The following PKNOX2 variants were observed in gnomAD, a reference collection of about 807,000 sequenced individuals.
PKNOX2 encodes homeobox protein PKNOX2.
In PKNOX2, 14 loss-of-function variants were observed where a neutral mutation model predicts 53.1. That is an observed-to-expected ratio of 0.26 (90% CI 0.17 to 0.41). PKNOX2 has a LOEUF of 0.41. Among genes scored for constraint, PKNOX2 ranks in the 10% least tolerant of loss-of-function variants. The pLI is 1.00. For missense variants in PKNOX2, 496 were observed against 602.8 expected, an observed-to-expected ratio of 0.82 and a Z score of 1.85; for synonymous variants, 257 against 242.8, an observed-to-expected ratio of 1.06 and a Z score of -0.54.
chr11:125,253,477 T>C (rs943311359), intron 2 of PKNOX2, among the ~76,000 whole-genome samples: 7 of 152,136 alleles, frequency 4.6e-5, no homozygotes, highest in African/African-American at 1.7e-4. Flanking sequence ...CTTGCTGTTC[T>C]GCTGCTCCTC....
At chr11:125,181,867 G>A (rs1956173482) in intron 1 of PKNOX2, among the ~76,000 whole-genome samples, 1 of 152,142 alleles carries the variant, frequency 6.6e-6, no homozygotes, top group Non-Finnish European at 1.5e-5. Context: ...TGTTTTTAAG[G>A]AATCTGGCCC....
At chr11:125,345,168 G>A (rs756029133) in intron 3 of PKNOX2, among the ~76,000 whole-genome samples, 17 of 152,298 alleles carry the variant, frequency 1.1e-4, no homozygotes, top group Non-Finnish European at 2.1e-4. Context: ...GAAGAGGCAG[G>A]CGAGGGTGTT....
chr11:125,258,106 C>T (rs76143537), intron 2 of PKNOX2, among the ~76,000 whole-genome samples: 2,268 of 152,252 alleles, frequency 0.015, 56 homozygotes, highest in African/African-American at 0.05. Flanking sequence ...CCTGGCAGAA[C>T]CAGTGCAGCT....
At chr11:125,214,337 C>T (rs1217316464) in intron 1 of PKNOX2, among the ~76,000 whole-genome samples, 4 of 152,004 alleles carry the variant, frequency 2.6e-5, no homozygotes, top group Non-Finnish European at 5.9e-5. Flanking sequence ...CTGATTCGCT[C>T]TTGCTCTCCC....
At chr11:125,420,031 C>A (rs1310141771) in intron 10 of PKNOX2, among the ~76,000 whole-genome samples, 1 of 150,642 alleles carries the variant, frequency 6.6e-6, no homozygotes, top group Non-Finnish European at 1.5e-5. Context: ...ACTAAAAATA[C>A]AAAAAAATAG....
intron 2 of PKNOX2, among the ~76,000 whole-genome samples, chr11:125,309,513 A>G (rs1002527390): frequency 1.3e-5 from 2 of 151,506 alleles, no homozygotes; most frequent in African/African-American, 4.8e-5. Context: ...TCTGCCTCCT[A>G]AGTAGCTGGG....
At chr11:125,361,836 G>A (rs1951940911) in intron 4 of PKNOX2, among the ~76,000 whole-genome samples, 1 of 152,224 alleles carries the variant, frequency 6.6e-6, no homozygotes, top group African/African-American at 2.4e-5. Flanking sequence ...AATGCAACTT[G>A]GGCCTCCGGG....
intron 1 of PKNOX2, among the ~76,000 whole-genome samples, chr11:125,176,110 G>A (rs181698750): frequency 4.6e-5 from 7 of 152,124 alleles, no homozygotes; most frequent in Admixed American, 1.3e-4. Flanking sequence ...ATTCCTGAGC[G>A]CCCGGTGGTT....
At chr11:125,317,686 A>C (rs1312467383) in intron 2 of PKNOX2, among the ~76,000 whole-genome samples, 3 of 152,232 alleles carry the variant, frequency 2.0e-5, no homozygotes. Context: ...GCTGTCACCC[A>C]GGCTTTGTTG....
In PKNOX2 at chr11:125,219,566, A is replaced by G. The variant is rs558512977; in HGVS notation, c.-200-15479A>G. Among the ~76,000 whole-genome samples the G allele has an allele frequency of 2.6e-3, 391 of 152,372 alleles. 2 individuals are homozygous for G. Among genetic ancestry groups the G allele is most frequent in the Middle Eastern group, 0.014 (4 of 294 alleles). ...GCTCCTAAAAATTAACAACAACAAA[A>G]ACACAACCCAGTAGAAAAAATAATG... is the stretch of plus-strand genomic sequence containing the variant. On this transcript the variant is annotated intron_variant, in intron 1 of 12. Coordinates refer to ENST00000298282, the MANE Select transcript of PKNOX2 (RefSeq NM_001382323.2).
rs1954879534 is a variant in PKNOX2, at chr11:125,166,398, T to C, written c.-201+1622T>C. Among the ~76,000 whole-genome samples, 1 of 152,204 alleles carries C rather than the reference T, an allele frequency of 6.6e-6. No homozygotes were observed. Among genetic ancestry groups the C allele is most frequent in the South Asian group, 2.1e-4 (1 of 4,832 alleles). On this transcript the variant is annotated intron_variant, in intron 1 of 12. Coordinates refer to ENST00000298282, the MANE Select transcript of PKNOX2 (RefSeq NM_001382323.2). This position sits in a 1 kb window ranked among gnomAD's most constrained non-coding sequence, Gnocchi z 4.0. Reference sequence around the variant, plus strand: ...AAGTGTTTCTTTAGGAGGAGAGGACTTGGGCCACACAGGACCCGGTCCTAA... The same window carrying C: ...AAGTGTTTCTTTAGGAGGAGAGGACCTGGGCCACACAGGACCCGGTCCTAA...
intron 2 of PKNOX2, among the ~76,000 whole-genome samples, chr11:125,314,724 A>AGCCCTGCCCT (rs1413682981): frequency 1.3e-5 from 2 of 152,004 alleles, no homozygotes; most frequent in Admixed American, 1.3e-4. Context: ...CTGCTTCCCC[A>AGCCCTGCCCT]GCCCTGCCCT....
intron 6 of PKNOX2, among the ~76,000 whole-genome samples, chr11:125,391,694 A>G (rs971452988): frequency 6.6e-6 from 1 of 152,230 alleles, no homozygotes; most frequent in East Asian, 1.9e-4. Flanking sequence ...AGACTTGTGT[A>G]CAGTGGTAGG....
chr11:125,369,293 T>G (rs1952388161), intron 5 of PKNOX2, among the ~76,000 whole-genome samples: 1 of 152,200 alleles, frequency 6.6e-6, no homozygotes, highest in East Asian at 1.9e-4. Context: ...ACACACAGGC[T>G]AGGCCCAGCT....
At position 125,424,223 on chromosome 11, in the gene PKNOX2, AG is replaced by A. The variant is rs1331466856; in HGVS notation, c.937-4788del. 3.3e-5 allele frequency among the ~76,000 whole-genome samples: 5 copies of A among 152,168 alleles called. No homozygotes were observed. The East Asian group carries it at 9.7e-4, about 29-fold the overall frequency. On this transcript the variant is annotated intron_variant, in intron 10 of 12. Coordinates refer to ENST00000298282, the MANE Select transcript of PKNOX2 (RefSeq NM_001382323.2). Reference sequence around the variant, plus strand: ...TTTCTTCGTACTTTTCTGAGTGTTCAGTTTTAAGGGGAGCAGGGATAAAAAT... The same window carrying A: ...TTTCTTCGTACTTTTCTGAGTGTTCATTTTAAGGGGAGCAGGGATAAAAAT...
intron 3 of PKNOX2, among the ~76,000 whole-genome samples, chr11:125,334,114 G>T (rs1379361262): frequency 2.6e-5 from 4 of 152,138 alleles, no homozygotes; most frequent in South Asian, 2.1e-4. Context: ...GTTGGTACAG[G>T]ACAGATTCGG....
At chr11:125,301,720 G>A (rs1314015652) in intron 2 of PKNOX2, among the ~76,000 whole-genome samples, 3 of 152,136 alleles carry the variant, frequency 2.0e-5, no homozygotes, top group Non-Finnish European at 4.4e-5. Context: ...TTTGGGTTTG[G>A]TGGACTCAGC....
intron 4 of PKNOX2, among the ~76,000 whole-genome samples, chr11:125,354,792 T>G (rs1318599342): frequency 2.0e-5 from 3 of 152,208 alleles, no homozygotes; most frequent in East Asian, 3.9e-4. Context: ...CCCATTTTAG[T>G]AGAGAAGCAT....
At chr11:125,430,817 A>G (rs1956665558) in intron 12 of PKNOX2, among the ~76,000 whole-genome samples, 2 of 152,048 alleles carry the variant, frequency 1.3e-5, no homozygotes, top group African/African-American at 4.8e-5. Context: ...CAACTCTGTC[A>G]TCGCTGACAA....
Sources: gnomAD v4.1 joint callset for allele counts (sites outside exome capture counted in the v4.1 genomes callset) on GRCh38, gnomAD v4.1.1 for gene constraint, Gnocchi (gnomAD v3.1) non-coding constraint, MANE v1.5 for transcripts, NCBI Gene and HGNC (gene_info 2026-07-23, HGNC 2026-07-21) for gene names.